Variants in PLD5 observed in about 807,000 individuals in gnomAD.
PLD5 encodes inactive phospholipase D5.
A neutral mutation model predicts 61.1 loss-of-function variants in PLD5; 36 were observed. The observed-to-expected ratio is 0.59, with a 90% CI of 0.45 to 0.78. The LOEUF is 0.78. Among genes scored for constraint, PLD5 ranks in the 30% least tolerant of loss-of-function variants. The pLI is 0.00. For missense variants in PLD5, 515 were observed against 644.4 expected (o/e 0.80, Z 2.17); for synonymous variants, 243 against 242.8 (o/e 1.00, Z -0.01).
intron 6 of PLD5, among the ~76,000 whole-genome samples, chr1:242,120,566 G>T (rs1435952): frequency 0.86 from 130,675 of 152,220 alleles, 56,415 homozygotes; most frequent in African/African-American, 0.95. Flanking sequence ...TGTGATGCAG[G>T]ATTTTTCCAT....
chr1:242,408,463 C>T (rs115496005), intron 1 of PLD5, among the ~76,000 whole-genome samples: 163 of 152,250 alleles, frequency 1.1e-3, no homozygotes, highest in African/African-American at 3.8e-3. Flanking sequence ...GGTTTAGCAC[C>T]ATCCTGTTGG....
intron 1 of PLD5, among the ~76,000 whole-genome samples, chr1:242,423,554 C>A (rs1006426468): frequency 1.3e-5 from 2 of 152,130 alleles, no homozygotes; most frequent in Non-Finnish European, 2.9e-5. Context: ...AATAGCCAGG[C>A]ACAGTGAAGC....
intron 5 of PLD5, among the ~76,000 whole-genome samples, chr1:242,189,585 A>T (rs367744381): frequency 0.26 from 39,718 of 151,900 alleles, 5,596 homozygotes; most frequent in South Asian, 0.39. Flanking sequence ...CTATTGAACA[A>T]GAAAGAGAAA....
At chr1:242,422,934 CA>C (rs1354335366) in intron 1 of PLD5, among the ~76,000 whole-genome samples, 21 of 151,532 alleles carry the variant, frequency 1.4e-4, no homozygotes, top group South Asian at 1.2e-3. Context: ...CTGCAGTCTC[CA>C]CCTCCTGGGC....
At chr1:242,452,466 A>C (rs1666816149) in intron 1 of PLD5, among the ~76,000 whole-genome samples, 1 of 152,188 alleles carries the variant, frequency 6.6e-6, no homozygotes, top group Admixed American at 6.5e-5. Context: ...AGTGAGAAGC[A>C]GGAAAAAACT....
chr1:242,200,043 G>A (rs758004726), intron 5 of PLD5, among the ~76,000 whole-genome samples: 19 of 152,126 alleles, frequency 1.2e-4, no homozygotes, highest in African/African-American at 1.7e-4. Flanking sequence ...CCTTTAGGCC[G>A]TTTTGATGAA....
intron 1 of PLD5, among the ~76,000 whole-genome samples, chr1:242,519,655 G>A (rs1459382673): frequency 1.3e-5 from 2 of 152,176 alleles, no homozygotes. Flanking sequence ...CTGCTAGCAG[G>A]ACCAGCTGAG....
intron 5 of PLD5, among the ~76,000 whole-genome samples, chr1:242,200,871 G>T (rs954160994): frequency 1.3e-5 from 2 of 152,160 alleles, no homozygotes. Flanking sequence ...AAAATTATGA[G>T]TTTATTAACA....
At chr1:242,439,762 C>T (rs544865445) in intron 1 of PLD5, among the ~76,000 whole-genome samples, 1 of 152,276 alleles carries the variant, frequency 6.6e-6, no homozygotes, top group African/African-American at 2.4e-5. Context: ...AACTCAGGAG[C>T]TTTTTGTTAA....
At chr1:242,442,721 A>C (rs1666334118) in intron 1 of PLD5, among the ~76,000 whole-genome samples, 1 of 152,234 alleles carries the variant, frequency 6.6e-6, no homozygotes, top group African/African-American at 2.4e-5. Context: ...GACACTCCAT[A>C]CAAAGAAGAG....
In PLD5 at chr1:242,333,185, C is replaced by A. The variant is rs116725404; in HGVS notation, c.326+14921G>T. 2.2e-3 allele frequency among the ~76,000 whole-genome samples: 331 copies of A among 152,226 alleles called. 1 individual carries two copies. Among genetic ancestry groups the A allele is most frequent in the African/African-American group, 7.8e-3 (322 of 41,542 alleles). On this transcript the variant is annotated intron_variant, in intron 2 of 9. Coordinates refer to ENST00000536534, the MANE Select transcript of PLD5 (RefSeq NM_001372062.1). ...TTCAGGCAGCAGGGGACTTGACTGTCAGGAGTAGCAGAACTTTGCACATAA... is the reference window on the plus strand; with the variant it reads ...TTCAGGCAGCAGGGGACTTGACTGTAAGGAGTAGCAGAACTTTGCACATAA...
intron 8 of PLD5, among the ~76,000 whole-genome samples, chr1:242,104,662 C>T (rs1207890102): frequency 6.6e-6 from 1 of 152,128 alleles, no homozygotes; most frequent in Non-Finnish European, 1.5e-5. Context: ...ACCTGTTTCA[C>T]TGGGTAATTG....
chr1:242,350,434 T>TACAC (rs57955584), intron 1 of PLD5, among the ~76,000 whole-genome samples: 1,586 of 145,366 alleles, frequency 0.011, 26 homozygotes, highest in African/African-American at 0.037. Flanking sequence ...TATACACACG[T>TACAC]ACACACACAC....
chr1:242,482,837 C>A (rs1236233222), intron 1 of PLD5, among the ~76,000 whole-genome samples: 3 of 152,164 alleles, frequency 2.0e-5, no homozygotes, highest in Non-Finnish European at 4.4e-5. Flanking sequence ...AAAGGGAAGC[C>A]CATCACACTA....
chr1:242,132,431 G>C (rs1169649315), intron 5 of PLD5, among the ~76,000 whole-genome samples: 2 of 152,116 alleles, frequency 1.3e-5, no homozygotes, highest in East Asian at 1.9e-4. Context: ...CCAGTTTGTT[G>C]TTTCCATGAT....
chr1:242,317,569 T>A (rs553062338), intron 2 of PLD5, among the ~76,000 whole-genome samples: 1 of 152,310 alleles, frequency 6.6e-6, no homozygotes, highest in South Asian at 2.1e-4. Context: ...CATCTCAGAA[T>A]GAATGGTGAT....
intron 3 of PLD5, among the ~76,000 whole-genome samples, chr1:242,280,413 A>G (rs1674654138): frequency 6.6e-6 from 1 of 152,108 alleles, no homozygotes; most frequent in Non-Finnish European, 1.5e-5. Context: ...ATTTGTATGT[A>G]TCCTAATTAT....
chr1:242,329,990 C>T lies in PLD5; in HGVS notation c.326+18116G>A, dbSNP rs184349405. ...AACTCTCCATTCTCTTACCTAGTGGCTCCCACAGTTTAAACTGCATAAGTT... is the reference window on the plus strand; with the variant it reads ...AACTCTCCATTCTCTTACCTAGTGGTTCCCACAGTTTAAACTGCATAAGTT... On this transcript the variant is annotated intron_variant, in intron 2 of 9. Coordinates refer to ENST00000536534, the MANE Select transcript of PLD5 (RefSeq NM_001372062.1). 5.0e-3 allele frequency among the ~76,000 whole-genome samples: 765 copies of T among 152,278 alleles called. 4 individuals are homozygous for T. Among genetic ancestry groups the T allele is most frequent in the Non-Finnish European group, 8.8e-3 (596 of 68,024 alleles).
chr1:242,091,615 T>C (rs1362348255), intron 9 of PLD5, among the ~76,000 whole-genome samples: 1 of 152,178 alleles, frequency 6.6e-6, no homozygotes, highest in African/African-American at 2.4e-5. Context: ...CACACTAGAA[T>C]GTCATTACAC....
Sources: gnomAD v4.1 joint callset for allele counts (sites outside exome capture counted in the v4.1 genomes callset) on GRCh38, gnomAD v4.1.1 for gene constraint, MANE v1.5 for transcripts, NCBI Gene and HGNC (gene_info 2026-07-23, HGNC 2026-07-21) for gene names.